Variants in TYW1B observed in about 807,000 individuals in gnomAD.
TYW1B encodes the protein tRNA-yW synthesizing protein 1 homolog B.
In TYW1B, 73 loss-of-function variants were observed where a neutral mutation model predicts 86.9. The ratio of observed to expected loss-of-function variants is 0.84; its 90% CI spans 0.70 to 1.02. The LOEUF is 1.02. Among genes scored for constraint, TYW1B ranks in the 50% least tolerant of loss-of-function variants. The pLI is 0.00. For synonymous variants in TYW1B, 248 were observed against 292.8 expected (o/e 0.85, Z 1.56); for missense variants, 637 against 827.4 (o/e 0.77, Z 2.82).
chr7:72,579,388 G>A (rs1294731044), intron 13 of TYW1B, among the ~76,000 whole-genome samples: 4 of 152,196 alleles, frequency 2.6e-5, no homozygotes, highest in African/African-American at 9.6e-5. Context: ...CTAACTGGAA[G>A]ACCAAGTAAA....
intron 9 of TYW1B, among the ~76,000 whole-genome samples, chr7:72,723,514 C>T (rs1786943033): frequency 6.6e-6 from 1 of 152,072 alleles, no homozygotes; most frequent in Non-Finnish European, 1.5e-5. Context: ...CACCTATAAT[C>T]CCAACACTTT....
chr7:72,728,088 TCC>T (rs1787035420), intron 9 of TYW1B, among the ~76,000 whole-genome samples: 1 of 152,134 alleles, frequency 6.6e-6, no homozygotes, highest in African/African-American at 2.4e-5. Context: ...ATATTATCCC[TCC>T]TTTTTTTTAA....
intron 11 of TYW1B, among the ~76,000 whole-genome samples, chr7:72,680,789 TGAAA>T (rs1344573910): frequency 3.3e-5 from 5 of 152,046 alleles, no homozygotes; most frequent in Non-Finnish European, 7.4e-5. Flanking sequence ...TGATTCCCTC[TGAAA>T]GAAAGAGAAG....
chr7:72,783,152 A>G (rs1173421047), intron 6 of TYW1B, among the ~76,000 whole-genome samples: 35 of 151,896 alleles, frequency 2.3e-4, no homozygotes, highest in Admixed American at 2.0e-3. Context: ...TAATCCCAGC[A>G]CTTTGGGAGG....
At chr7:72,609,728 G>A (rs1230962371) in intron 13 of TYW1B, among the ~76,000 whole-genome samples, 8 of 152,048 alleles carry the variant, frequency 5.3e-5, no homozygotes, top group African/African-American at 1.9e-4. Context: ...TACTTCCTAA[G>A]AAATGGTACC....
rs773895732 is a variant in TYW1B, at chr7:72,580,218, T to G, written c.1786-4499A>C. Among the ~76,000 whole-genome samples, 115 of 152,100 alleles carry G rather than the reference T, an allele frequency of 7.6e-4. 1 individual carries two copies. The highest frequency in any genetic ancestry group is 4.4e-4 in the Non-Finnish European group (30 of 68,026). On this transcript the variant is annotated intron_variant, in intron 13 of 13. Transcript: ENST00000620995. Reference sequence around the variant, plus strand: ...ACCTCTCAGGGCAATCGGAGACGAATCATACTGAATAATCACAGCTCAGAA... The same window carrying G: ...ACCTCTCAGGGCAATCGGAGACGAAGCATACTGAATAATCACAGCTCAGAA...
intron 10 of TYW1B, among the ~76,000 whole-genome samples, chr7:72,695,731 C>G (rs1814300296): frequency 6.6e-6 from 1 of 151,848 alleles, no homozygotes; most frequent in Non-Finnish European, 1.5e-5. Flanking sequence ...TAGCTGGGAC[C>G]ACATGCATGT....
At position 72,812,965 on chromosome 7, in the gene TYW1B, T is replaced by C. The variant is rs533040753; in HGVS notation, c.238-2300A>G. 2.1e-3 allele frequency among the ~76,000 whole-genome samples: 314 copies of C among 152,148 alleles called. 1 individual carries two copies. The highest frequency in any genetic ancestry group is 3.9e-3 in the Non-Finnish European group (267 of 67,996). ...CCTTGACCTCTCAACTTGCTGGGAT[T>C]ATATAGGCAAGAGCCACCCCACCTG... On this transcript the variant is annotated intron_variant, in intron 3 of 13. Transcript: ENST00000620995.
intron 13 of TYW1B, among the ~76,000 whole-genome samples, chr7:72,592,860 T>C (rs1554431764): frequency 6.6e-6 from 1 of 152,174 alleles, no homozygotes; most frequent in East Asian, 1.9e-4. Context: ...ATTATAAACA[T>C]TTAGGCACCT....
intron 13 of TYW1B, among the ~76,000 whole-genome samples, chr7:72,590,745 T>A (rs1406918652): frequency 6.6e-6 from 1 of 152,072 alleles, no homozygotes; most frequent in Non-Finnish European, 1.5e-5. Flanking sequence ...GGTGGCCACA[T>A]GATAGGATAC....
intron 6 of TYW1B, among the ~76,000 whole-genome samples, chr7:72,789,645 A>AT (rs1348427675): frequency 5.3e-5 from 8 of 151,734 alleles, no homozygotes; most frequent in Admixed American, 4.6e-4. Context: ...TATTTTTTTA[A>AT]TTTTTTTTAT....
intron 7 of TYW1B, among the ~76,000 whole-genome samples, chr7:72,766,210 G>A (rs1292398911): frequency 1.2e-4 from 18 of 152,224 alleles, no homozygotes; most frequent in African/African-American, 4.3e-4. Context: ...CTAATTCCCT[G>A]TGGTGATTTA....
chr7:72,593,695 G>A (rs868954154), intron 13 of TYW1B, among the ~76,000 whole-genome samples: 5 of 151,446 alleles, frequency 3.3e-5, no homozygotes, highest in African/African-American at 1.2e-4. Context: ...GGTGGCGGGC[G>A]CCTGTAGTCC....
chr7:72,802,932 C>G (rs1179203807), intron 5 of TYW1B, among the ~76,000 whole-genome samples: 1 of 152,084 alleles, frequency 6.6e-6, no homozygotes, highest in Non-Finnish European at 1.5e-5. Flanking sequence ...TCTATAAATT[C>G]TTACTTTAAA....
chr7:72,813,006 A>G (rs1788650486), intron 3 of TYW1B, among the ~76,000 whole-genome samples: 1 of 151,624 alleles, frequency 6.6e-6, no homozygotes, highest in Non-Finnish European at 1.5e-5. Context: ...TGTTTTTTTT[A>G]AAGAAAGTTT....
At chr7:72,822,756 C>G (rs1269684403) in intron 2 of TYW1B, 2 of 152,282 alleles carry the variant, frequency 1.3e-5, no homozygotes, top group African/African-American at 4.8e-5. Context: ...TGCCTCTAAC[C>G]CTAGACAGAA....
chr7:72,727,119 G>A (rs532736322), intron 9 of TYW1B, among the ~76,000 whole-genome samples: 11 of 152,224 alleles, frequency 7.2e-5, no homozygotes, highest in East Asian at 1.9e-4. Flanking sequence ...GGGTGAGGGG[G>A]ACAAAGCCTA....
intron 11 of TYW1B, among the ~76,000 whole-genome samples, chr7:72,687,092 C>T (rs1438878777): frequency 6.6e-6 from 1 of 152,148 alleles, no homozygotes; most frequent in East Asian, 1.9e-4. Context: ...ATAAACTAGA[C>T]TTTGTTAAAA....
intron 5 of TYW1B, among the ~76,000 whole-genome samples, chr7:72,804,519 T>C (rs1380585677): frequency 6.6e-6 from 1 of 152,082 alleles, no homozygotes; most frequent in Non-Finnish European, 1.5e-5. Flanking sequence ...AGCATGGCCA[T>C]GCTCCCAAAA....
Sources: gnomAD v4.1 joint callset for allele counts (sites outside exome capture counted in the v4.1 genomes callset) on GRCh38, gnomAD v4.1.1 for gene constraint, MANE v1.5 for transcripts, NCBI Gene and HGNC (gene_info 2026-07-23, HGNC 2026-07-21) for gene names.